The following ERI1 variants were observed in gnomAD, a reference collection of about 807,000 sequenced individuals.
ERI1 encodes the protein exoribonuclease 1.
ERI1 carries 39 observed loss-of-function variants against 39.7 expected under a neutral mutation model. The observed-to-expected ratio is 0.98, with a 90% CI of 0.76 to 1.28. ERI1 has a LOEUF of 1.28. ERI1 is among the 50% of genes most tolerant of loss of function. ERI1 has a pLI of 0.00. For synonymous variants in ERI1, 204 were observed against 149.6 expected (o/e 1.36, Z -2.65); for missense variants, 581 against 416.9 (o/e 1.39, Z -3.43).
rs369845379 is a variant in ERI1 at position 9,030,062 on chromosome 8, A to G, written c.*28A>G. ...ACAGTTTTGTGTGTGGATCATTCCA[A>G]TTGAAGTTGCTATGAAGAGGTAGCA... On this transcript the variant is annotated 3_prime_UTR_variant, in exon 7 of 7. Coordinates refer to ENST00000250263, the MANE Select transcript of ERI1 (RefSeq NM_153332.4). 19 of 1,608,076 alleles carry G rather than the reference A, an allele frequency of 1.2e-5. No homozygotes were observed. The highest frequency in any genetic ancestry group is 6.7e-5 in the East Asian group (3 of 44,714).
chr8:9,067,568 T>A (rs1044536335), intron 3 of ERI1, among the ~76,000 whole-genome samples: 1 of 150,960 alleles, frequency 6.6e-6, no homozygotes, highest in African/African-American at 2.4e-5. Context: ...GGTGAGAGGA[T>A]CGCTTGCACC....
intron 3 of ERI1, among the ~76,000 whole-genome samples, chr8:9,096,586 G>A (rs1167325010): frequency 1.3e-5 from 2 of 152,088 alleles, no homozygotes; most frequent in Non-Finnish European, 2.9e-5. Flanking sequence ...GCTGACCTCG[G>A]AAGTGTGGTC....
intron 3 of ERI1, among the ~76,000 whole-genome samples, chr8:9,086,226 C>G (rs944483841): frequency 1.3e-5 from 2 of 152,062 alleles, no homozygotes; most frequent in Admixed American, 1.3e-4. Flanking sequence ...CCAGCCTGGA[C>G]AAGATGGTGA....
chr8:9,056,933 A>G lies in ERI1; in HGVS notation n.299+36469A>G, dbSNP rs191695775. ...ACTGTAATCTTTGTCATCTGGGTTC[A>G]AGTGATTCTTCTACCTCAGCCTCCC... On this transcript the variant is annotated intron_variant and non_coding_transcript_variant, in intron 3 of 3. Transcript: ENST00000518663. Among the ~76,000 whole-genome samples, 479 of 152,128 alleles carry G rather than the reference A, an allele frequency of 3.1e-3. 2 individuals are homozygous for G. The highest frequency in any genetic ancestry group is 0.011 in the African/African-American group (457 of 41,512).
rs1409056263 is a variant in ERI1, at chr8:9,029,948, A to G, written c.964A>G (p.Met322Val). ...GTGTGAACTCCGAATCAACGAGAAA[A>G]TGCATGCAGGACAGCTAATGAGTGT... is the stretch of plus-strand genomic sequence containing the variant. ...DGCELRINEK[M>V]HAGQLMSVSS... Residue 322 changes from methionine (M) to valine (V), a missense_variant, in exon 7 of 7, where the codon ATG becomes GTG. Transcript: ENST00000250263. The G allele has an allele frequency of 2.5e-6, 4 of 1,614,068 alleles. No individual in the cohort carries two copies. Among genetic ancestry groups the G allele is most frequent in the Admixed American group, 1.7e-5 (1 of 59,994 alleles).
intron 3 of ERI1, among the ~76,000 whole-genome samples, chr8:9,039,431 G>T (rs1797950800): frequency 1.3e-5 from 2 of 152,102 alleles, no homozygotes; most frequent in Admixed American, 1.3e-4. Context: ...GAAAATTCAG[G>T]TTGTGTTACT....
chr8:9,003,369 C>CT (rs1429578913), intron 1 of ERI1, among the ~76,000 whole-genome samples, 198 bp downstream of exon 1: 8 of 152,246 alleles, frequency 5.3e-5, no homozygotes, highest in Non-Finnish European at 1.2e-4. Context: ...GAATCACTCT[C>CT]TGGGAGGGAG....
intron 2 of ERI1, among the ~76,000 whole-genome samples, chr8:9,009,311 C>T (rs987256659): frequency 2.6e-5 from 4 of 152,064 alleles, no homozygotes; most frequent in Non-Finnish European, 5.9e-5. Context: ...TATTGGAGGT[C>T]TGGCCAGGTA....
intron 4 of ERI1, among the ~76,000 whole-genome samples, chr8:9,017,335 G>C (rs943675353): frequency 1.3e-5 from 2 of 152,128 alleles, no homozygotes; most frequent in South Asian, 2.1e-4. Context: ...ACCACACCTA[G>C]CCTGTTTCAT....
intron 3 of ERI1, among the ~76,000 whole-genome samples, chr8:9,094,509 T>G (rs4841098): frequency 0.36 from 55,331 of 152,012 alleles, 11,902 homozygotes; most frequent in African/African-American, 0.6. Flanking sequence ...GCGCACAGGG[T>G]AGAGAGATTG....
At chr8:9,044,850 C>A (rs903245279) in intron 3 of ERI1, among the ~76,000 whole-genome samples, 2 of 152,108 alleles carry the variant, frequency 1.3e-5, no homozygotes, top group African/African-American at 2.4e-5. Flanking sequence ...ACCTGCCACA[C>A]CTGCATCATC....
chr8:9,010,388 A>C (rs1453524570), intron 2 of ERI1, among the ~76,000 whole-genome samples: 1 of 152,214 alleles, frequency 6.6e-6, no homozygotes, highest in African/African-American at 2.4e-5. Context: ...CAGTGCCTTA[A>C]TATGAAAGAG....
At chr8:9,040,125 AT>A (rs1240183185) in intron 3 of ERI1, among the ~76,000 whole-genome samples, 1 of 152,206 alleles carries the variant, frequency 6.6e-6, no homozygotes, top group Non-Finnish European at 1.5e-5. Context: ...AGCAGTCAGT[AT>A]TTCTCACCGA....
At chr8:9,022,474 C>G (rs1436878433) in intron 6 of ERI1, among the ~76,000 whole-genome samples, 1 of 152,116 alleles carries the variant, frequency 6.6e-6, no homozygotes, top group Non-Finnish European at 1.5e-5. Flanking sequence ...GATCTTGGCT[C>G]ACTGCAACCC....
chr8:9,074,270 C>G (rs926107273), intron 3 of ERI1, among the ~76,000 whole-genome samples: 11 of 151,804 alleles, frequency 7.2e-5, no homozygotes, highest in Non-Finnish European at 1.2e-4. Flanking sequence ...GCCACCATGC[C>G]TGGCTAATTT....
intron 3 of ERI1, among the ~76,000 whole-genome samples, chr8:9,050,651 C>T (rs146541905): frequency 1.3e-5 from 2 of 152,106 alleles, no homozygotes; most frequent in African/African-American, 4.8e-5. Context: ...AGCCAGTGAG[C>T]TTTGATGCGT....
Position 9,030,265 on chromosome 8 carries a change from T to A in ERI1, c.*231T>A. 1.9e-6 allele frequency: 1 copy of A among 529,708 alleles called. No individual in the cohort carries two copies. The highest frequency in any genetic ancestry group is 5.1e-4 in the Middle Eastern group (1 of 1,952). 32.8% of individuals were successfully genotyped at this position (529,708 alleles called of 1,614,324 possible). A position where few individuals can be genotyped will look rare whatever the true frequency, so the allele number is the denominator to read the frequency against. On this transcript the variant is annotated 3_prime_UTR_variant, in exon 7 of 7. Coordinates refer to ENST00000250263, the MANE Select transcript of ERI1 (RefSeq NM_153332.4). Reference sequence around the variant, plus strand: ...AACAGTATTCGTTACATAGTAACAGTTCCTGCTTACAACTGAATTTTATAA... The same window carrying A: ...AACAGTATTCGTTACATAGTAACAGATCCTGCTTACAACTGAATTTTATAA...
At chr8:9,026,562 C>G (rs1012678265) in intron 6 of ERI1, among the ~76,000 whole-genome samples, 4 of 152,136 alleles carry the variant, frequency 2.6e-5, no homozygotes, top group East Asian at 1.9e-4. Context: ...TGTCAGAATT[C>G]TACCTTTCTG....
At chr8:9,005,782 A>G (rs762813174) in intron 1 of ERI1, among the ~76,000 whole-genome samples, 8 of 152,184 alleles carry the variant, frequency 5.3e-5, no homozygotes, top group Non-Finnish European at 7.3e-5. Flanking sequence ...GCGTGAGCCA[A>G]CGCGCCCGGC....
Sources: gnomAD v4.1 joint callset for allele counts (sites outside exome capture counted in the v4.1 genomes callset) on GRCh38, gnomAD v4.1.1 for gene constraint, MANE v1.5 for transcripts, NCBI Gene and HGNC (gene_info 2026-07-23, HGNC 2026-07-21) for gene names.